Variants in AGBL4 observed in about 807,000 individuals in gnomAD.
AGBL4 encodes AGBL carboxypeptidase 4, also known as cytosolic carboxypeptidase 6.
Under a neutral mutation model 66.4 loss-of-function variants are expected in AGBL4, and 58 were observed. The ratio of observed to expected loss-of-function variants is 0.87; its 90% CI spans 0.71 to 1.09. The LOEUF is 1.09. Among genes scored for constraint, AGBL4 ranks in the 50% least tolerant of loss-of-function variants. The pLI is 0.00. For missense variants in AGBL4, 579 were observed against 631.0 expected, an observed-to-expected ratio of 0.92 and a Z score of 0.88; for synonymous variants, 234 against 222.9, an observed-to-expected ratio of 1.05 and a Z score of -0.44.
Position 48,918,723 on chromosome 1 carries a change from ATTG to A in AGBL4, c.595-51496_595-51494del, listed in dbSNP as rs1653828921. ...CTTTCAGCCCCCAGAACTGTGAGAAATTGTTGTTTAGATGTCACCCAGTCTATG... is the reference window on the plus strand; with the variant it reads ...CTTTCAGCCCCCAGAACTGTGAGAAATTGTTTAGATGTCACCCAGTCTATG... On this transcript the variant is annotated intron_variant, in intron 5 of 13. Transcript: ENST00000371839. Among the ~76,000 whole-genome samples, 4 of 152,238 alleles carry A rather than the reference ATTG, an allele frequency of 2.6e-5. No homozygotes were observed. The South Asian group carries it at 8.3e-4, about 32-fold the overall frequency.
intron 3 of AGBL4, among the ~76,000 whole-genome samples, chr1:49,476,406 A>T (rs146786980): frequency 1.1e-4 from 17 of 152,138 alleles, no homozygotes; most frequent in African/African-American, 3.6e-4. Flanking sequence ...TATTCTGTAG[A>T]TGTCTATTAG....
chr1:49,542,700 C>A (rs1358957438), intron 3 of AGBL4, among the ~76,000 whole-genome samples: 1 of 151,994 alleles, frequency 6.6e-6, no homozygotes, highest in Non-Finnish European at 1.5e-5. Context: ...GAGTTTGAGA[C>A]CAGCCTGGCC....
intron 3 of AGBL4, among the ~76,000 whole-genome samples, chr1:49,379,232 C>T (rs1267711661): frequency 6.6e-6 from 1 of 152,088 alleles, no homozygotes; most frequent in Non-Finnish European, 1.5e-5. Flanking sequence ...CTATCATTCC[C>T]CACTTTGTAA....
chr1:49,079,884 A>T (rs1200741030), intron 4 of AGBL4, among the ~76,000 whole-genome samples: 1 of 152,186 alleles, frequency 6.6e-6, no homozygotes, highest in East Asian at 1.9e-4. Flanking sequence ...ACATTTGCCA[A>T]AGTTTTTCCT....
intron 1 of AGBL4, among the ~76,000 whole-genome samples, chr1:49,947,701 G>C (rs1655347102): frequency 6.6e-6 from 1 of 150,806 alleles, no homozygotes; most frequent in East Asian, 2.0e-4. Context: ...AGAGCAATCA[G>C]ACAAAAGAAA....
At chr1:48,920,804 G>A (rs978932371) in intron 5 of AGBL4, among the ~76,000 whole-genome samples, 1 of 152,164 alleles carries the variant, frequency 6.6e-6, no homozygotes, top group African/African-American at 2.4e-5. Context: ...GCTGGATAGG[G>A]AGGGAAGAGA....
rs533328905 is a variant in AGBL4 at position 49,498,856 on chromosome 1, C to T, written c.282+198457G>A. 1.5e-3 allele frequency among the ~76,000 whole-genome samples: 223 copies of T among 152,038 alleles called. 7 individuals carry two copies. The South Asian group carries it at 0.045, about 31-fold the overall frequency. ...GTTAATGTGGTATTGTTGTACATCA[C>T]GTTTATACATTTAAATTATGTTGAA... On this transcript the variant is annotated intron_variant, in intron 3 of 13. Coordinates refer to ENST00000371839, the MANE Select transcript of AGBL4 (RefSeq NM_032785.4).
chr1:48,996,858 T>TCCTTCCTTC (rs1553137095), intron 5 of AGBL4, among the ~76,000 whole-genome samples: 1 of 65,046 alleles, frequency 1.5e-5, no homozygotes, highest in African/African-American at 7.4e-5. Context: ...TTCCTTCCTG[T>TCCTTCCTTC]CTACTTATCT....
At chr1:49,961,713 C>T (rs971263067) in intron 1 of AGBL4, among the ~76,000 whole-genome samples, 4 of 152,036 alleles carry the variant, frequency 2.6e-5, no homozygotes, top group African/African-American at 7.2e-5. Context: ...AGAGCAATCA[C>T]AGTTGCTTCA....
At chr1:49,535,187 T>C (rs1182391274) in intron 3 of AGBL4, among the ~76,000 whole-genome samples, 4 of 152,058 alleles carry the variant, frequency 2.6e-5, no homozygotes, top group African/African-American at 9.7e-5. Context: ...AGAATAACTT[T>C]ATAGATTAAA....
intron 2 of AGBL4, among the ~76,000 whole-genome samples, chr1:49,756,111 T>G (rs1225619497): frequency 6.6e-6 from 1 of 152,174 alleles, no homozygotes. Context: ...AAAATTTTTT[T>G]GAAATATCAA....
At chr1:49,732,153 C>A (rs1338801633) in intron 2 of AGBL4, among the ~76,000 whole-genome samples, 1 of 152,134 alleles carries the variant, frequency 6.6e-6, no homozygotes, top group African/African-American at 2.4e-5. Flanking sequence ...GTAAAGGGTG[C>A]AACTCTACCA....
intron 7 of AGBL4, among the ~76,000 whole-genome samples, chr1:48,656,457 G>A (rs1224448900): frequency 6.6e-6 from 1 of 152,208 alleles, no homozygotes; most frequent in Non-Finnish European, 1.5e-5. Context: ...AAATGCCTAA[G>A]ATGGTCCTGC....
chr1:49,274,240 T>C (rs1053962999), intron 3 of AGBL4, among the ~76,000 whole-genome samples: 1 of 152,206 alleles, frequency 6.6e-6, no homozygotes, highest in African/African-American at 2.4e-5. Flanking sequence ...TATTTCAAAT[T>C]CTAAATTCAG....
chr1:49,103,098 A>G (rs1437446456), intron 4 of AGBL4, among the ~76,000 whole-genome samples: 1 of 152,210 alleles, frequency 6.6e-6, no homozygotes, highest in Non-Finnish European at 1.5e-5. Flanking sequence ...CTTCCTGCTC[A>G]CACAGTAAAA....
At chr1:49,940,244 A>G (rs1280205820) in intron 1 of AGBL4, among the ~76,000 whole-genome samples, 5 of 152,160 alleles carry the variant, frequency 3.3e-5, no homozygotes, top group Non-Finnish European at 5.9e-5. Context: ...ACACTTTTAC[A>G]CTGTTGGTGG....
intron 1 of AGBL4, among the ~76,000 whole-genome samples, chr1:49,952,901 C>T (rs1051329426): frequency 5.3e-5 from 8 of 151,864 alleles, no homozygotes; most frequent in African/African-American, 1.2e-4. Flanking sequence ...TCTCCCACTG[C>T]TACTTTTACT....
chr1:49,012,648 T>C (rs1326132427), intron 5 of AGBL4, among the ~76,000 whole-genome samples: 1 of 152,240 alleles, frequency 6.6e-6, no homozygotes, highest in Non-Finnish European at 1.5e-5. Flanking sequence ...GCAGGAACTA[T>C]TCCTGACCTG....
intron 3 of AGBL4, among the ~76,000 whole-genome samples, chr1:49,287,592 A>T: frequency 6.6e-6 from 1 of 151,052 alleles, no homozygotes; most frequent in African/African-American, 2.5e-5. Context: ...ACATTTATGC[A>T]GCCAAAAAAC....
Sources: gnomAD v4.1 joint callset for allele counts (sites outside exome capture counted in the v4.1 genomes callset) on GRCh38, gnomAD v4.1.1 for gene constraint, MANE v1.5 for transcripts, NCBI Gene and HGNC (gene_info 2026-07-23, HGNC 2026-07-21) for gene names.